The following MRNIP variants were observed in gnomAD, a reference collection of about 807,000 sequenced individuals.
MRNIP encodes the protein MRN complex-interacting protein.
A neutral mutation model predicts 29.8 loss-of-function variants in MRNIP; 30 were observed. The ratio of observed to expected loss-of-function variants is 1.01; its 90% CI spans 0.75 to 1.36. The LOEUF (loss-of-function observed/expected upper bound fraction) is 1.36. Among genes scored for constraint, MRNIP ranks in the 40% most tolerant of loss-of-function variants. The pLI, the probability that MRNIP is intolerant of heterozygous loss-of-function variation, is 0.00. For missense variants in MRNIP, 459 were observed against 423.5 expected (o/e 1.08, Z -0.74); for synonymous variants, 201 against 164.1 (o/e 1.23, Z -1.72).
intron 5 of MRNIP, chr5:179,841,590 A>C (rs1561615215): frequency 3.4e-6 from 1 of 297,864 alleles, no homozygotes; most frequent in Non-Finnish European, 6.2e-6. Flanking sequence ...TCTCTGAGCT[A>C]AAAGCTCTTA....
At chr5:179,851,894 C>T (rs571110204) in intron 2 of MRNIP, among the ~76,000 whole-genome samples, 30 of 151,904 alleles carry the variant, frequency 2.0e-4, no homozygotes, top group African/African-American at 6.3e-4. Context: ...AGGAGAATGG[C>T]GTAAACCCAG....
intron 6 of MRNIP, chr5:179,838,667 T>A (rs1054929171): frequency 6.6e-6 from 1 of 150,428 alleles, no homozygotes; most frequent in Non-Finnish European, 1.5e-5. Flanking sequence ...CAGAGCGAAC[T>A]CTGTCTCAAA....
At chr5:179,841,181 C>G in intron 5 of MRNIP, 1 of 549,522 alleles carries the variant, frequency 1.8e-6, no homozygotes, top group African/African-American at 1.9e-5. Context: ...AGGGTCTCAC[C>G]GGCACCCAGG....
intron 3 of MRNIP, among the ~76,000 whole-genome samples, chr5:179,845,679 A>G (rs1759098349): frequency 6.6e-6 from 1 of 151,008 alleles, no homozygotes; most frequent in Non-Finnish European, 1.5e-5. Context: ...TATTTTTAGT[A>G]AAGACAGGGT....
At chr5:179,839,871 C>G (rs974915094) in intron 6 of MRNIP, 1 of 152,362 alleles carries the variant, frequency 6.6e-6, no homozygotes, top group African/African-American at 2.4e-5. Context: ...CAGTGGCCCA[C>G]ACCTATAGTC....
At chr5:179,843,644 G>A (rs1239835370) in intron 4 of MRNIP, among the ~76,000 whole-genome samples, 1 of 152,106 alleles carries the variant, frequency 6.6e-6, no homozygotes, top group Non-Finnish European at 1.5e-5. Flanking sequence ...GGAGCCTGAG[G>A]TGGGAGGATC....
rs73334055 is a variant in MRNIP, at chr5:179,837,379, G to A, written c.*12C>T. On this transcript the variant is annotated 3_prime_UTR_variant, in exon 7 of 7. Transcript: ENST00000292586. ...ACAAGTGTATCTCGATTAATAACCTGCCAGTCCCAGATCACACATCATCAT... is the reference window on the plus strand; with the variant it reads ...ACAAGTGTATCTCGATTAATAACCTACCAGTCCCAGATCACACATCATCAT... 3,288 of 1,583,400 alleles carry A rather than the reference G, an allele frequency of 2.1e-3. 67 individuals are homozygous for A. The African/African-American group carries it at 0.039, about 19-fold the overall frequency.
intron 2 of MRNIP, chr5:179,851,320 C>A (rs1454488587): frequency 4.4e-6 from 2 of 456,104 alleles, no homozygotes; most frequent in Admixed American, 4.7e-5. Context: ...TCAGCCTGGG[C>A]CAACCAGGTT....
chr5:179,847,004 T>C (rs985145106), intron 3 of MRNIP: 1 of 152,112 alleles, frequency 6.6e-6, no homozygotes, highest in Admixed American at 6.5e-5. Context: ...CTCAGGTGCT[T>C]CCTCTCTGGA....
chr5:179,838,174 G>A (rs550335588), intron 6 of MRNIP: 15 of 483,612 alleles, frequency 3.1e-5, no homozygotes, highest in African/African-American at 9.6e-5. Context: ...TCAGGTTACC[G>A]GTGCCTACAA....
chr5:179,851,971 C>T (rs1167130110), intron 2 of MRNIP, among the ~76,000 whole-genome samples: 3 of 150,588 alleles, frequency 2.0e-5, no homozygotes, highest in East Asian at 1.9e-4. Flanking sequence ...AGCGAGACTC[C>T]GTCTAAAAAA....
chr5:179,852,044 A>G (rs1462168730), intron 2 of MRNIP, among the ~76,000 whole-genome samples: 1 of 151,998 alleles, frequency 6.6e-6, no homozygotes, highest in African/African-American at 2.4e-5. Context: ...GTTTTTGTCT[A>G]CGGAGGCAGG....
chr5:179,843,497 T>C (rs166034), intron 4 of MRNIP, among the ~76,000 whole-genome samples: 10,147 of 152,184 alleles, frequency 0.067, 378 homozygotes, highest in Middle Eastern at 0.14. Context: ...CCCAGTACTT[T>C]GGGAGCTGAG....
chr5:179,840,529 G>A (rs994483654), intron 6 of MRNIP: 1 of 451,746 alleles, frequency 2.2e-6, no homozygotes, highest in Non-Finnish European at 3.9e-6. Flanking sequence ...GCGGCCCGCT[G>A]ACGACTCCTG....
intron 2 of MRNIP, among the ~76,000 whole-genome samples, chr5:179,851,985 TA>T (rs1759390062): frequency 7.3e-6 from 1 of 137,584 alleles, no homozygotes; most frequent in Admixed American, 7.3e-5. Flanking sequence ...TAAAAAAAAA[TA>T]AAAAAATAAA....
intron 4 of MRNIP, among the ~76,000 whole-genome samples, chr5:179,843,695 G>A (rs114529408): frequency 0.018 from 2,774 of 151,704 alleles, 98 homozygotes; most frequent in African/African-American, 0.064. Context: ...AACCATGATC[G>A]CGCCACTGCA....
rs748097828 is a variant in MRNIP, at chr5:179,837,774, T to C, written c.649A>G (p.Ser217Gly). The change falls in exon 7 of 7, where the codon AGT (serine) becomes GGT (glycine). Residue 217 changes from serine (S) to glycine (G), a missense_variant. Coordinates refer to ENST00000292586, the MANE Select transcript of MRNIP (RefSeq NM_016175.4). ...ELRGPGKELW[S>G]PIQQVTATSS... is the part of the protein sequence containing the mutation. ...GTGGCTGTAACCTGCTGGATGGGAC[T>C]CCATAGCTCCTTCCCAGGACCCCTC... is the stretch of plus-strand genomic sequence containing the variant. 4 of 1,614,204 alleles carry C rather than the reference T, an allele frequency of 2.5e-6. No homozygotes were observed. The highest frequency in any genetic ancestry group is 3.4e-6 in the Non-Finnish European group (4 of 1,180,030).
In MRNIP at chr5:179,851,188, T is replaced by C. The variant is rs989032519; in HGVS notation, c.126+2190A>G. The stretch of plus-strand genomic sequence containing the variant: ...TAAGAAGGCTTCCTCAAGGAGAATG[T>C]AGAAATATATACATCTCAAACAAGC... On this transcript the variant is annotated intron_variant, in intron 2 of 6. Coordinates refer to ENST00000292586, the MANE Select transcript of MRNIP (RefSeq NM_016175.4). 6.6e-6 allele frequency: 3 copies of C among 454,114 alleles called. No homozygotes were observed. The Admixed American group carries it at 7.0e-5, about 11-fold the overall frequency. The allele number at this position is 454,114 out of a possible 1,614,324, so 28.1% of individuals were successfully genotyped here. A position where few individuals can be genotyped will look rare whatever the true frequency, so the allele number is the denominator to read the frequency against.
intron 1 of MRNIP, among the ~76,000 whole-genome samples, chr5:179,853,818 A>T (rs1191526248): frequency 2.0e-5 from 3 of 148,036 alleles, no homozygotes; most frequent in African/African-American, 4.9e-5. Flanking sequence ...TGGATCTGAA[A>T]TTTTTTTTTT....
Sources: gnomAD v4.1 joint callset for allele counts (sites outside exome capture counted in the v4.1 genomes callset) on GRCh38, gnomAD v4.1.1 for gene constraint, MANE v1.5 for transcripts, NCBI Gene and HGNC (gene_info 2026-07-23, HGNC 2026-07-21) for gene names.